The following PKN2 variants were observed in gnomAD, a reference collection of about 807,000 sequenced individuals.
PKN2 encodes the protein protein kinase N2, also known as serine/threonine-protein kinase N2.
In PKN2, 38 loss-of-function variants were observed where a neutral mutation model predicts 119.1. That is an observed-to-expected ratio of 0.32 (90% CI 0.25 to 0.42). The LOEUF is 0.42. Ranked by LOEUF, PKN2 falls within the 10% of genes least tolerant of loss-of-function variation. The probability of loss-of-function intolerance (pLI) is 1.00; values close to 1 mark genes in which losing one functional copy is unlikely to be tolerated. For missense variants in PKN2, 850 were observed against 1,165.1 expected (o/e 0.73, Z 3.94); for synonymous variants, 390 against 384.9 (o/e 1.01, Z -0.15).
chr1:88,816,449 A>AT (rs111602076), intron 16 of PKN2, among the ~76,000 whole-genome samples: 6,020 of 151,848 alleles, frequency 0.04, 268 homozygotes, highest in African/African-American at 0.1. Flanking sequence ...GTTTCACTCT[A>AT]TTGGCCAGGC....
At chr1:88,732,483 C>T (rs1420358332) in intron 1 of PKN2, among the ~76,000 whole-genome samples, 11 of 152,094 alleles carry the variant, frequency 7.2e-5, no homozygotes, top group Admixed American at 6.5e-4. Context: ...TTTCTTTATT[C>T]GCTAGCTGAC....
intron 1 of PKN2, among the ~76,000 whole-genome samples, chr1:88,738,006 G>T (rs959292928): frequency 6.6e-6 from 1 of 152,146 alleles, no homozygotes; most frequent in Non-Finnish European, 1.5e-5. Context: ...TTATGTTTCT[G>T]TGGGGAGTCA....
chr1:88,740,999 A>G lies in PKN2; in HGVS notation c.60A>G (p.Arg20=). The G allele has an allele frequency of 6.4e-7, 1 of 1,565,484 alleles. No individual in the cohort carries two copies. Among genetic ancestry groups the G allele is most frequent in the Non-Finnish European group, 8.6e-7 (1 of 1,162,296 alleles). ...TATTTTTTCTGTAGGGGGATTCCCG[A>G]AGTCTTCCGTTTTCTGAGAATGTGA... ...ILLTELQGDS[R]SLPFSENVSA... Residue 20 remains arginine (R), a synonymous_variant, in exon 2 of 22, where the codon CGA becomes CGG. Coordinates refer to ENST00000370521, the MANE Select transcript of PKN2 (RefSeq NM_006256.4).
intron 12 of PKN2, 130 bp from the exon 13 acceptor site, chr1:88,807,183 G>A (rs1557625384): frequency 1.4e-6 from 1 of 719,184 alleles, no homozygotes; most frequent in Non-Finnish European, 2.2e-6. Context: ...TAAAGAATGA[G>A]TATCTGAATT....
chr1:88,791,001 A>G (rs952477623), intron 8 of PKN2, among the ~76,000 whole-genome samples: 9 of 152,210 alleles, frequency 5.9e-5, no homozygotes, highest in Non-Finnish European at 1.3e-4. Context: ...AACTGAGAAT[A>G]TCAGTTTTAA....
chr1:88,788,423 G>A (rs1030369911), intron 8 of PKN2, among the ~76,000 whole-genome samples: 4 of 151,980 alleles, frequency 2.6e-5, no homozygotes, highest in South Asian at 2.1e-4. Context: ...AGTAACTAGC[G>A]TAGGGTATAA....
At chr1:88,731,676 C>CT (rs2100727553) in intron 1 of PKN2, among the ~76,000 whole-genome samples, 1 of 152,272 alleles carries the variant, frequency 6.6e-6, no homozygotes, top group South Asian at 2.1e-4. Flanking sequence ...TATGGGTACT[C>CT]TAACATTTCT....
chr1:88,696,226 C>T (rs763863765), intron 1 of PKN2, among the ~76,000 whole-genome samples: 3 of 152,060 alleles, frequency 2.0e-5, no homozygotes, highest in East Asian at 1.9e-4. Flanking sequence ...GATTAACCAC[C>T]GGAATCTGAT....
rs1167248003 is a variant in PKN2, at chr1:88,773,485, C to A, written c.985+1606C>A. Among the ~76,000 whole-genome samples, 3 of 152,156 alleles carry A rather than the reference C, an allele frequency of 2.0e-5. No homozygotes were observed. In the East Asian group the frequency reaches 5.8e-4, roughly 29 times the overall value. ...CTAATTTCTGTATTTTTAGTAGAGA[C>A]AGGGTTTTACCATGATGGCCACACT... On this transcript the variant is annotated intron_variant, in intron 6 of 21. Coordinates refer to ENST00000370521, the MANE Select transcript of PKN2 (RefSeq NM_006256.4).
intron 1 of PKN2, 87 bp from the exon 2 acceptor site, chr1:88,740,901 A>G (rs959964107): frequency 2.6e-6 from 2 of 772,836 alleles, no homozygotes; most frequent in Admixed American, 5.6e-5. Flanking sequence ...TAATCAAGAA[A>G]GACTCTCTTA....
Position 88,833,757 on chromosome 1 carries a change from A to C in PKN2, c.*309A>C, listed in dbSNP as rs1029404717. ...TCTATTTTTAAAAAGAAAGAAAAAA[A>C]CCACTTTTTTATAGTCCCTAGCTTT... On this transcript the variant is annotated 3_prime_UTR_variant, in exon 22 of 22. Coordinates refer to ENST00000370521, the MANE Select transcript of PKN2 (RefSeq NM_006256.4). 3.9e-6 allele frequency: 1 copy of C among 257,006 alleles called. No individual in the cohort carries two copies. Among genetic ancestry groups the C allele is most frequent in the African/African-American group, 2.3e-5 (1 of 44,006 alleles). 15.9% of individuals were successfully genotyped at this position (257,006 alleles called of 1,614,324 possible).
intron 1 of PKN2, among the ~76,000 whole-genome samples, chr1:88,699,389 G>T (rs1666677785): frequency 6.6e-6 from 1 of 151,992 alleles, no homozygotes; most frequent in South Asian, 2.1e-4. Context: ...ATTATTTAAT[G>T]TAATTTTAAT....
chr1:88,698,333 A>AG (rs1666623032), intron 1 of PKN2, among the ~76,000 whole-genome samples: 1 of 152,142 alleles, frequency 6.6e-6, no homozygotes, highest in Non-Finnish European at 1.5e-5. Flanking sequence ...GATTCACTCA[A>AG]GGACCCCCCT....
chr1:88,787,505 A>C (rs763674600), intron 8 of PKN2, among the ~76,000 whole-genome samples: 10 of 152,202 alleles, frequency 6.6e-5, no homozygotes, highest in Non-Finnish European at 2.9e-5. Context: ...TCAGTGTCTT[A>C]ACTTTTAAAT....
chr1:88,715,523 C>G (rs1667412282), intron 1 of PKN2, among the ~76,000 whole-genome samples: 1 of 152,110 alleles, frequency 6.6e-6, no homozygotes. Flanking sequence ...GGAATTTATC[C>G]ATTTCTTCTA....
chr1:88,709,863 A>G, intron 1 of PKN2, among the ~76,000 whole-genome samples: 1 of 152,188 alleles, frequency 6.6e-6, no homozygotes, highest in Non-Finnish European at 1.5e-5. Flanking sequence ...GACTTTGAGA[A>G]TGTATCAGAG....
At chr1:88,811,347 A>G (rs931699797) in intron 15 of PKN2, among the ~76,000 whole-genome samples, 2 of 152,254 alleles carry the variant, frequency 1.3e-5, no homozygotes, top group African/African-American at 4.8e-5. Flanking sequence ...CCTGACTAAA[A>G]TAACTATTTA....
intron 1 of PKN2, among the ~76,000 whole-genome samples, chr1:88,708,124 T>A (rs1667071739): frequency 6.6e-6 from 1 of 152,088 alleles, no homozygotes; most frequent in Non-Finnish European, 1.5e-5. Flanking sequence ...TTATTAAGGC[T>A]TTCCTTAATA....
At chr1:88,736,438 T>C (rs553314445) in intron 1 of PKN2, among the ~76,000 whole-genome samples, 29 of 152,226 alleles carry the variant, frequency 1.9e-4, no homozygotes, top group African/African-American at 5.5e-4. Flanking sequence ...ATCTCGGCTC[T>C]CTGCAGCCTC....
Sources: gnomAD v4.1 joint callset for allele counts (sites outside exome capture counted in the v4.1 genomes callset) on GRCh38, gnomAD v4.1.1 for gene constraint, MANE v1.5 for transcripts, NCBI Gene and HGNC (gene_info 2026-07-23, HGNC 2026-07-21) for gene names.